The following TTLL9 variants were observed in gnomAD, a reference collection of about 807,000 sequenced individuals.
The protein encoded by TTLL9 is tubulin tyrosine ligase like 9.
A neutral mutation model predicts 65.6 loss-of-function variants in TTLL9; 47 were observed. The observed-to-expected ratio is 0.72, with a 90% CI of 0.57 to 0.91. The LOEUF (loss-of-function observed/expected upper bound fraction) is 0.91. Ranked by LOEUF, TTLL9 falls within the 40% of genes least tolerant of loss-of-function variation. The probability of loss-of-function intolerance (pLI) is 0.00; values close to 1 mark genes in which losing one functional copy is unlikely to be tolerated. For missense variants in TTLL9, 537 were observed against 568.8 expected, an observed-to-expected ratio of 0.94 and a Z score of 0.57; for synonymous variants, 179 against 204.8, an observed-to-expected ratio of 0.87 and a Z score of 1.07.
At chr20:31,872,794 C>T (rs2062956622) in intron 2 of TTLL9, among the ~76,000 whole-genome samples, 1 of 152,182 alleles carries the variant, frequency 6.6e-6, no homozygotes, top group Admixed American at 6.5e-5. Flanking sequence ...AATAGCTTGG[C>T]CTCTGTAAAA....
chr20:31,903,836 T>G (rs1327243725), intron 4 of TTLL9, among the ~76,000 whole-genome samples: 1 of 152,234 alleles, frequency 6.6e-6, no homozygotes, highest in African/African-American at 2.4e-5. Context: ...ACATTAACAT[T>G]GATATATTAC....
In TTLL9 at chr20:31,871,063, A is replaced by G. The variant is rs368771592; in HGVS notation, c.-5-59A>G. 1,376 of 1,510,632 alleles carry G rather than the reference A, an allele frequency of 9.1e-4. 10 individuals are homozygous for G. The African/African-American group carries it at 0.018, about 19-fold the overall frequency. The allele number at this position is 1,510,632 out of a possible 1,614,324, so 93.6% of individuals were successfully genotyped here. A position where few individuals can be genotyped will look rare whatever the true frequency, so the allele number is the denominator to read the frequency against. On this transcript the variant is annotated intron_variant, in intron 1 of 14. Transcript: ENST00000535842. ...CTCCTGTTCACTCATTCACTCGTCCATCTTCCCATCCATTCATCCATCCTC... is the reference window on the plus strand; with the variant it reads ...CTCCTGTTCACTCATTCACTCGTCCGTCTTCCCATCCATTCATCCATCCTC...
chr20:31,887,365 T>C, intron 3 of TTLL9, 126 bp downstream of exon 3: 1 of 1,093,034 alleles, frequency 9.1e-7, no homozygotes, highest in Non-Finnish European at 1.4e-6. Context: ...GAAGGAGTAA[T>C]GCTAAACCAT....
chr20:31,897,348 T>C (rs1363231750), intron 3 of TTLL9, among the ~76,000 whole-genome samples: 4 of 152,218 alleles, frequency 2.6e-5, no homozygotes, highest in Admixed American at 2.6e-4. Context: ...GTGGCTGTGA[T>C]ACCTGCGGGC....
chr20:31,896,598 C>T (rs1277900716), intron 3 of TTLL9, among the ~76,000 whole-genome samples: 1 of 151,912 alleles, frequency 6.6e-6, no homozygotes, highest in African/African-American at 2.4e-5. Context: ...GGTGCTATCT[C>T]GGCTCACTGC....
intron 3 of TTLL9, 102 bp downstream of exon 3, chr20:31,887,341 T>A: frequency 3.1e-6 from 4 of 1,305,512 alleles, no homozygotes; most frequent in Non-Finnish European, 4.4e-6. Flanking sequence ...ACAATTATAA[T>A]GAAAATGATA....
rs1349648634 is a variant in TTLL9 at position 31,870,649 on chromosome 20, C to A, written c.-306C>A. 5 of 1,280,572 alleles carry A rather than the reference C, an allele frequency of 3.9e-6. No individual in the cohort carries two copies. In the Admixed American group the frequency reaches 1.4e-4, roughly 37 times the overall value. 79.3% of individuals were successfully genotyped at this position (1,280,572 alleles called of 1,614,324 possible). ...ACAAAGCCCCAGTGTGCCGGGCCCA[C>A]GGCCCGCGGGACAACGGCAGTTTGT... is the stretch of plus-strand genomic sequence containing the variant. On this transcript the variant is annotated 5_prime_UTR_variant, in exon 1 of 15. Transcript: ENST00000535842. This position sits in a 1 kb window ranked among gnomAD's most constrained non-coding sequence, Gnocchi z 6.6.
chr20:31,898,367 C>A, intron 3 of TTLL9, 106 bp from the exon 4 acceptor site: 1 of 876,436 alleles, frequency 1.1e-6, no homozygotes, highest in Non-Finnish European at 1.9e-6. Flanking sequence ...CAGTGTGGAA[C>A]TTTCCAGGTA....
chr20:31,884,496 G>T (rs755743798), intron 2 of TTLL9, among the ~76,000 whole-genome samples: 1 of 152,126 alleles, frequency 6.6e-6, no homozygotes, highest in Non-Finnish European at 1.5e-5. Flanking sequence ...CAAAGTGCTG[G>T]GATTACAGGT....
intron 10 of TTLL9, among the ~76,000 whole-genome samples, chr20:31,927,157 T>C (rs2063920367): frequency 6.6e-6 from 1 of 151,180 alleles, no homozygotes. Flanking sequence ...TATATATATG[T>C]TTGCTTATCT....
intron 6 of TTLL9, among the ~76,000 whole-genome samples, chr20:31,912,117 C>T (rs1279447921): frequency 2.0e-5 from 3 of 152,178 alleles, no homozygotes; most frequent in African/African-American, 7.2e-5. Flanking sequence ...ACACGTTCGA[C>T]ACATGAATTT....
intron 2 of TTLL9, chr20:31,873,011 T>A (rs369830649): frequency 1.9e-6 from 1 of 518,490 alleles, no homozygotes; most frequent in Non-Finnish European, 3.9e-6. Flanking sequence ...CACTGACCCT[T>A]TCCTTTATGG....
In TTLL9 at chr20:31,898,434, C is replaced by A. The variant is rs748168853; in HGVS notation, c.114-39C>A. ...TCTCCTTGCGCCATCCTAGGAAAATCATTGATCCTGAGCAAATGTTCATTG... is the reference window on the plus strand; with the variant it reads ...TCTCCTTGCGCCATCCTAGGAAAATAATTGATCCTGAGCAAATGTTCATTG... On this transcript the variant is annotated intron_variant, in intron 3 of 14. Coordinates refer to ENST00000535842, the MANE Select transcript of TTLL9 (RefSeq NM_001008409.5). The A allele has an allele frequency of 1.6e-5, 26 of 1,589,104 alleles. No individual in the cohort carries two copies. The Admixed American group carries it at 4.4e-4, about 27-fold the overall frequency.
In TTLL9 at chr20:31,943,566, T is replaced by C. The variant is rs150714695; in HGVS notation, c.*545T>C. The stretch of plus-strand genomic sequence containing the variant: ...TGTGTTTATTGGGGGCCTGGGGAAG[T>C]ACTGAGCCCTAAACACATCCTCTTC... On this transcript the variant is annotated 3_prime_UTR_variant, in exon 15 of 15. Transcript: ENST00000535842. The C allele has an allele frequency of 6.2e-5, 22 of 353,848 alleles. No homozygotes were observed. Among genetic ancestry groups the C allele is most frequent in the African/African-American group, 4.7e-4 (22 of 46,820 alleles). 21.9% of individuals were successfully genotyped at this position (353,848 alleles called of 1,614,324 possible).
chr20:31,887,436 G>C (rs570574051), intron 3 of TTLL9, among the ~76,000 whole-genome samples, 197 bp downstream of exon 3: 2 of 152,310 alleles, frequency 1.3e-5, no homozygotes, highest in African/African-American at 4.8e-5. Flanking sequence ...TTAGCTCATT[G>C]AATCCTGACC....
intron 10 of TTLL9, 91 bp downstream of exon 10, chr20:31,926,182 C>T: frequency 2.4e-6 from 2 of 819,088 alleles, no homozygotes; most frequent in South Asian, 2.8e-5. Flanking sequence ...CAGAGCAGCT[C>T]ACTGCAAGCT....
At chr20:31,908,246 A>C (rs1426973787) in intron 4 of TTLL9, among the ~76,000 whole-genome samples, 2 of 152,170 alleles carry the variant, frequency 1.3e-5, no homozygotes, top group Non-Finnish European at 1.5e-5. Context: ...AGTGGCTGTC[A>C]CACCACAGAG....
chr20:31,931,833 G>A (rs1600618552), intron 10 of TTLL9, among the ~76,000 whole-genome samples: 1 of 152,206 alleles, frequency 6.6e-6, no homozygotes, highest in South Asian at 2.1e-4. Flanking sequence ...CATTCTGTGG[G>A]TTTTCTTTCA....
intron 3 of TTLL9, among the ~76,000 whole-genome samples, chr20:31,889,251 GCATCTT>G (rs2063245607): frequency 1.3e-5 from 2 of 152,086 alleles, no homozygotes; most frequent in Non-Finnish European, 2.9e-5. Flanking sequence ...GTCAGAGCCA[GCATCTT>G]CATGATTGCC....
Sources: gnomAD v4.1 joint callset for allele counts (sites outside exome capture counted in the v4.1 genomes callset) on GRCh38, gnomAD v4.1.1 for gene constraint, Gnocchi (gnomAD v3.1) non-coding constraint, MANE v1.5 for transcripts, NCBI Gene and HGNC (gene_info 2026-07-23, HGNC 2026-07-21) for gene names.